RYR3: variants seen among roughly 807,000 people sequenced by gnomAD.
RYR3 encodes the protein ryanodine receptor 3.
A neutral mutation model predicts 584.3 loss-of-function variants in RYR3; 207 were observed. The ratio of observed to expected loss-of-function variants is 0.35; its 90% confidence interval spans 0.32 to 0.40. The LOEUF is 0.40. Among genes scored for constraint, RYR3 ranks in the 10% least tolerant of loss-of-function variants. RYR3 has a pLI of 1.00. For synonymous variants in RYR3, 2,416 were observed against 2,248.5 expected (o/e 1.07, Z -2.11); for missense variants, 5,616 against 6,089.2 (o/e 0.92, Z 2.59).
intron 1 of RYR3, among the ~76,000 whole-genome samples, chr15:33,323,849 C>T (rs960286124): frequency 1.3e-5 from 2 of 152,140 alleles, no homozygotes; most frequent in African/African-American, 4.8e-5. Flanking sequence ...TTGTTCATAT[C>T]CTGGTGAGGC....
chr15:33,416,664 C>A (rs1408007368), intron 1 of RYR3, among the ~76,000 whole-genome samples: 1 of 152,082 alleles, frequency 6.6e-6, no homozygotes, highest in East Asian at 1.9e-4. Flanking sequence ...TTGATAGTTT[C>A]TTTTGCTGGG....
At chr15:33,478,503 T>G (rs2049644532) in intron 2 of RYR3, among the ~76,000 whole-genome samples, 2 of 152,214 alleles carry the variant, frequency 1.3e-5, no homozygotes, top group African/African-American at 4.8e-5. Flanking sequence ...GTATTGATAG[T>G]CTTCCCAGTC....
In RYR3 at chr15:33,350,824, G is replaced by GACACCCTAAC. The variant is rs1183951803; in HGVS notation, c.51+39730_51+39739dup. Among the ~76,000 whole-genome samples the GACACCCTAAC allele has an allele frequency of 2.6e-4, 40 of 151,366 alleles. No individual in the cohort carries two copies. The Middle Eastern group carries it at 0.021, about 78-fold the overall frequency. On this transcript the variant is annotated intron_variant, in intron 1 of 103. Transcript: ENST00000634891. ...GAGAAAGCAGGAAAGATCCAAAATT[G>GACACCCTAAC]ACACCCTAACATCACAATTAAAAGA...
intron 8 of RYR3, among the ~76,000 whole-genome samples, chr15:33,545,374 G>A (rs1021712489): frequency 3.9e-5 from 6 of 152,286 alleles, no homozygotes; most frequent in Middle Eastern, 3.4e-3. Flanking sequence ...GAAGAGTGAA[G>A]TAGATGGAGG....
At chr15:33,520,178 A>G (rs1028857033) in intron 3 of RYR3, among the ~76,000 whole-genome samples, 6 of 152,228 alleles carry the variant, frequency 3.9e-5, no homozygotes, top group African/African-American at 1.4e-4. Context: ...AAGGTGTTAC[A>G]CACAGTAGTA....
chr15:33,373,035 C>A (rs2040455057), intron 1 of RYR3, among the ~76,000 whole-genome samples: 1 of 152,222 alleles, frequency 6.6e-6, no homozygotes, highest in African/African-American at 2.4e-5. Context: ...CCATCTCATA[C>A]TTCTCACGTG....
chr15:33,538,016 G>A (rs2055477411), intron 5 of RYR3, among the ~76,000 whole-genome samples: 1 of 151,448 alleles, frequency 6.6e-6, no homozygotes, highest in Non-Finnish European at 1.5e-5. Context: ...GGATCAGTGA[G>A]TATTTTTCTT....
intron 38 of RYR3, among the ~76,000 whole-genome samples, chr15:33,692,927 A>G (rs938160610): frequency 1.3e-5 from 2 of 152,184 alleles, no homozygotes; most frequent in African/African-American, 4.8e-5. Context: ...ACTTGGTTTT[A>G]TTATGATTCT....
In RYR3 at chr15:33,581,489, C is replaced by T; in HGVS notation, c.1438-19C>T. 1 of 1,611,332 alleles carries T rather than the reference C, an allele frequency of 6.2e-7. No homozygotes were observed. Among genetic ancestry groups the T allele is most frequent in the Non-Finnish European group, 8.5e-7 (1 of 1,177,912 alleles). ...TCTTAATCAGCAATGTTTACATTTT[C>T]CTCCACTCTCCTTCTCAGGGAATGT... On this transcript the variant is annotated intron_variant, in intron 13 of 103. Coordinates refer to ENST00000634891, the MANE Select transcript of RYR3 (RefSeq NM_001036.6).
At chr15:33,638,172 CTG>C (rs2061603323) in intron 27 of RYR3, among the ~76,000 whole-genome samples, 1 of 152,186 alleles carries the variant, frequency 6.6e-6, no homozygotes, top group African/African-American at 2.4e-5. Flanking sequence ...AGAAATAACT[CTG>C]TTTTTGCAGA....
intron 27 of RYR3, among the ~76,000 whole-genome samples, chr15:33,642,297 G>C (rs2061874702): frequency 6.6e-6 from 1 of 152,174 alleles, no homozygotes; most frequent in African/African-American, 2.4e-5. Flanking sequence ...ATGGAGAATG[G>C]AATAGAGAGG....
intron 38 of RYR3, among the ~76,000 whole-genome samples, chr15:33,676,601 C>G (rs746201457): frequency 1.3e-5 from 2 of 152,166 alleles, no homozygotes; most frequent in Non-Finnish European, 2.9e-5. Flanking sequence ...AGTGTGGGAA[C>G]AAGGGCAGAA....
intron 1 of RYR3, among the ~76,000 whole-genome samples, chr15:33,448,582 T>G (rs1489623572): frequency 6.6e-6 from 1 of 152,214 alleles, no homozygotes; most frequent in Non-Finnish European, 1.5e-5. Flanking sequence ...ATAAAAAGTA[T>G]GTACAAGAGT....
chr15:33,853,179 G>C, intron 95 of RYR3, 92 bp downstream of exon 95: 1 of 1,094,046 alleles, frequency 9.1e-7, no homozygotes. Context: ...GAGTAAATGT[G>C]ATGCTACTTT....
intron 42 of RYR3, among the ~76,000 whole-genome samples, chr15:33,703,689 G>T (rs1178424808): frequency 6.6e-6 from 1 of 152,138 alleles, no homozygotes; most frequent in East Asian, 1.9e-4. Context: ...TGACAGAGGG[G>T]TTTGTCTTTG....
chr15:33,552,032 A>G (rs1269140360), intron 10 of RYR3, among the ~76,000 whole-genome samples: 2 of 152,172 alleles, frequency 1.3e-5, no homozygotes, highest in Non-Finnish European at 2.9e-5. Context: ...CCCTTTCCTT[A>G]TTTGAGCCTT....
At chr15:33,557,683 G>A (rs2057156469) in intron 10 of RYR3, among the ~76,000 whole-genome samples, 2 of 152,078 alleles carry the variant, frequency 1.3e-5, no homozygotes, top group East Asian at 1.9e-4. Flanking sequence ...ATGCCCGGCC[G>A]GGTTCTAATT....
intron 48 of RYR3, 109 bp from the exon 49 acceptor site, chr15:33,736,126 C>T (rs1307343201): frequency 4.6e-6 from 3 of 651,328 alleles, no homozygotes; most frequent in African/African-American, 1.8e-5. Flanking sequence ...GTATTAGGAG[C>T]TGTTTTGAGG....
chr15:33,748,198 G>C lies in RYR3; in HGVS notation c.8074G>C (p.Gly2692Arg). 1 of 1,613,818 alleles carries C rather than the reference G, an allele frequency of 6.2e-7. No homozygotes were observed. Among genetic ancestry groups the C allele is most frequent in the Non-Finnish European group, 8.5e-7 (1 of 1,179,742 alleles). Residue 2692 changes from glycine (G) to arginine (R), a missense_variant, in exon 54 of 104, where the codon GGA becomes CGA. By Grantham distance (125) the Gly-to-Arg change is moderately radical. Around this residue, in one of 9 missense-constraint regions of RYR3, gnomAD observed 1,280 missense variants for 1,426.2 expected, o/e 0.90. Transcript: ENST00000634891. ...VGWTVERTKEGEALVQQRENE... is the reference protein window; with the variant it reads ...VGWTVERTKEREALVQQRENE... ...CTGGACTGTGGAGAGGACCAAAGAG[G>C]GAGAAGCTTTGGTTCAACAGCGGGA...
Sources: gnomAD v4.1 joint callset for allele counts (sites outside exome capture counted in the v4.1 genomes callset) on GRCh38, gnomAD v4.1.1 for gene constraint, gnomAD v4.1.1 regional missense constraint, MANE v1.5 for transcripts, NCBI Gene and HGNC (gene_info 2026-07-23, HGNC 2026-07-21) for gene names.